Variants in FAF2 observed in about 807,000 individuals in gnomAD.
FAF2 encodes FAS-associated factor 2.
Under a neutral mutation model 62.3 loss-of-function variants are expected in FAF2, and 9 were observed. The observed-to-expected ratio is 0.14, with a 90% CI of 0.09 to 0.25. The LOEUF (loss-of-function observed/expected upper bound fraction) is 0.25, where lower values mean the gene tolerates loss of function less well. Ranked by LOEUF, FAF2 falls within the 10% of genes least tolerant of loss-of-function variation. The pLI is 1.00. For missense variants in FAF2, 368 were observed against 556.2 expected (o/e 0.66, Z 3.40); for synonymous variants, 202 against 198.0 (o/e 1.02, Z -0.17).
intron 1 of FAF2, among the ~76,000 whole-genome samples, chr5:176,460,480 C>T (rs1271120868): frequency 6.7e-6 from 1 of 150,060 alleles, no homozygotes; most frequent in Non-Finnish European, 1.5e-5. Flanking sequence ...TTGCATTTCT[C>T]TAATGAGCAG....
intron 5 of FAF2, among the ~76,000 whole-genome samples, chr5:176,493,732 T>A (rs374966561): frequency 1.2e-4 from 19 of 152,200 alleles, no homozygotes; most frequent in African/African-American, 4.6e-4. Flanking sequence ...TTTGTAAGCC[T>A]GTCTACTCTC....
chr5:176,454,110 T>TA (rs1269704309), intron 1 of FAF2, among the ~76,000 whole-genome samples: 4 of 149,524 alleles, frequency 2.7e-5, no homozygotes, highest in South Asian at 4.2e-4. Flanking sequence ...TTTTTTACTT[T>TA]AAAAAATCTA....
intron 2 of FAF2, 81 bp downstream of exon 2, chr5:176,479,337 G>A (rs1758752769): frequency 8.8e-7 from 1 of 1,135,800 alleles, no homozygotes; most frequent in Admixed American, 1.9e-5. Flanking sequence ...TCCATAGCAG[G>A]AATCTTTTCA....
chr5:176,451,892 ATTTTTTT>A lies in FAF2; in HGVS notation c.63+3445_63+3451del, dbSNP rs1174600881. On this transcript the variant is annotated intron_variant, in intron 1 of 10. Transcript: ENST00000261942. Reference sequence around the variant, plus strand: ...TATACACACATATATATATATATATATTTTTTTTTTTTTTTTTTTTTTTTTTTTTGAG... The same window carrying A: ...TATACACACATATATATATATATATATTTTTTTTTTTTTTTTTTTTTTGAG... 7.1e-3 allele frequency among the ~76,000 whole-genome samples: 153 copies of A among 21,614 alleles called. 8 individuals carry two copies. The highest frequency in any genetic ancestry group is 9.1e-3 in the African/African-American group (43 of 4,750). The allele number at this position is 21,614 out of a possible 152,430, so 14.2% of individuals were successfully genotyped here.
rs141712320 is a variant in FAF2 at position 176,498,820 on chromosome 5, T to TAC, written c.840-78_840-77dup. ...CATCTGCTAAGAATATCAACATTTT[T>TAC]ACACACACACACACACAGAAGATTT... is the stretch of plus-strand genomic sequence containing the variant. On this transcript the variant is annotated intron_variant, in intron 8 of 10. Transcript: ENST00000261942. 2,391 of 1,147,924 alleles carry TAC rather than the reference T, an allele frequency of 2.1e-3. 6 individuals are homozygous for TAC. Among genetic ancestry groups the TAC allele is most frequent in the East Asian group, 0.012 (474 of 38,340 alleles). The allele number at this position is 1,147,924 out of a possible 1,614,324, so 71.1% of individuals were successfully genotyped here. A position where few individuals can be genotyped will look rare whatever the true frequency, so the allele number is the denominator to read the frequency against.
intron 1 of FAF2, among the ~76,000 whole-genome samples, chr5:176,475,932 C>T (rs563861986): frequency 5.9e-5 from 9 of 152,218 alleles, no homozygotes; most frequent in Non-Finnish European, 1.2e-4. Flanking sequence ...TAACAACCAG[C>T]TTGGCATCTA....
At chr5:176,464,497 T>C (rs939655754) in intron 1 of FAF2, among the ~76,000 whole-genome samples, 1 of 146,080 alleles carries the variant, frequency 6.8e-6, no homozygotes, top group African/African-American at 2.5e-5. Flanking sequence ...CTTTTTTTTT[T>C]TTTTTTTTTT....
At chr5:176,485,952 A>C (rs1269006499) in intron 2 of FAF2, among the ~76,000 whole-genome samples, 1 of 152,190 alleles carries the variant, frequency 6.6e-6, no homozygotes, top group Admixed American at 6.6e-5. Context: ...CCCCTTCATC[A>C]GATGCCACTC....
intron 1 of FAF2, among the ~76,000 whole-genome samples, chr5:176,450,316 C>T (rs936002050): frequency 6.6e-6 from 1 of 152,198 alleles, no homozygotes; most frequent in African/African-American, 2.4e-5. Flanking sequence ...GTTAAACAGA[C>T]AACCAGCTTA....
rs187349725 is a variant in FAF2 at position 176,472,135 on chromosome 5, T to A, written c.64-7053T>A. Among the ~76,000 whole-genome samples the A allele has an allele frequency of 1.6e-3, 250 of 152,228 alleles. 3 individuals are homozygous for A. The highest frequency in any genetic ancestry group is 0.016 in the South Asian group (77 of 4,816). On this transcript the variant is annotated intron_variant, in intron 1 of 10. Transcript: ENST00000261942. ...GGGTTTTAATTTGTTTTGAGTTTTTTTTTTTATTTTTTTGAAACAGAGTCT... is the reference window on the plus strand; with the variant it reads ...GGGTTTTAATTTGTTTTGAGTTTTTATTTTTATTTTTTTGAAACAGAGTCT...
At chr5:176,476,930 C>T (rs573406112) in intron 1 of FAF2, among the ~76,000 whole-genome samples, 98 of 151,360 alleles carry the variant, frequency 6.5e-4, no homozygotes, top group African/African-American at 2.3e-3. Context: ...CTGCCTCAGC[C>T]TCCTGAGTAG....
chr5:176,471,004 C>G (rs771154645), intron 1 of FAF2, among the ~76,000 whole-genome samples: 7 of 152,182 alleles, frequency 4.6e-5, no homozygotes, highest in Non-Finnish European at 7.3e-5. Flanking sequence ...AATAGCTTAC[C>G]TCGTTCTTTG....
chr5:176,454,510 G>A lies in FAF2; in HGVS notation c.63+6040G>A, dbSNP rs370871541. ...TGGGAATCACTTGAACTCAGGAGGT[G>A]GAGGTACCAGTGAGCCAAGATCGTG... On this transcript the variant is annotated intron_variant, in intron 1 of 10. Transcript: ENST00000261942. Among the ~76,000 whole-genome samples, 6 of 147,426 alleles carry A rather than the reference G, an allele frequency of 4.1e-5. No homozygotes were observed. In the East Asian group the frequency reaches 8.0e-4, roughly 20 times the overall value.
intron 1 of FAF2, among the ~76,000 whole-genome samples, chr5:176,454,569 T>TTC (rs1340226911): frequency 8.7e-6 from 1 of 115,052 alleles, no homozygotes; most frequent in Non-Finnish European, 1.7e-5. Flanking sequence ...CAGAGCCAGA[T>TTC]TCTGTCTGAA....
chr5:176,463,060 G>A (rs1758405486), intron 1 of FAF2, among the ~76,000 whole-genome samples: 1 of 152,112 alleles, frequency 6.6e-6, no homozygotes, highest in Non-Finnish European at 1.5e-5. Flanking sequence ...TGTTTTAGTG[G>A]AATTAAGTCT....
intron 1 of FAF2, among the ~76,000 whole-genome samples, chr5:176,477,502 A>G (rs1758724211): frequency 6.6e-6 from 1 of 152,306 alleles, no homozygotes; most frequent in East Asian, 1.9e-4. Context: ...ATTAGAAGCC[A>G]GAAGGGAATA....
At chr5:176,448,549 A>C (rs1758108799) in intron 1 of FAF2, 79 bp downstream of exon 1, 1 of 1,392,336 alleles carries the variant, frequency 7.2e-7, no homozygotes, top group Admixed American at 2.4e-5. Context: ...AACCCTCCTC[A>C]GATTGGGTTC....
chr5:176,452,348 G>A (rs898028941), intron 1 of FAF2, among the ~76,000 whole-genome samples: 1 of 152,052 alleles, frequency 6.6e-6, no homozygotes, highest in East Asian at 1.9e-4. Flanking sequence ...GTGAGCCACC[G>A]GACCTGGCCA....
At chr5:176,450,502 T>C (rs1307468571) in intron 1 of FAF2, among the ~76,000 whole-genome samples, 2 of 152,098 alleles carry the variant, frequency 1.3e-5, no homozygotes, top group African/African-American at 2.4e-5. Flanking sequence ...AAATCTATGA[T>C]AGCATTTCTG....
Sources: allele counts gnomAD v4.1 joint callset (sites outside exome capture counted in the v4.1 genomes callset), GRCh38; gene constraint gnomAD v4.1.1; transcripts MANE v1.5; gene names NCBI Gene and HGNC (gene_info 2026-07-23, HGNC 2026-07-21).